The following LTBP2 variants were observed in gnomAD, a reference collection of about 807,000 sequenced individuals.
LTBP2 encodes latent-transforming growth factor beta-binding protein 2.
Under a neutral mutation model 210.6 loss-of-function variants are expected in LTBP2, and 103 were observed. The ratio of observed to expected loss-of-function variants is 0.49; its 90% CI spans 0.42 to 0.58. The LOEUF (loss-of-function observed/expected upper bound fraction) is 0.58, where lower values mean the gene tolerates loss of function less well. Ranked by LOEUF, LTBP2 falls within the 20% of genes least tolerant of loss-of-function variation. LTBP2 has a pLI of 0.00. For synonymous variants in LTBP2, 1,007 were observed against 1,015.0 expected (o/e 0.99, Z 0.15); for missense variants, 2,313 against 2,494.5 (o/e 0.93, Z 1.55).
chr14:74,588,322 AG>A (rs1235721529), intron 2 of LTBP2, among the ~76,000 whole-genome samples: 6 of 152,114 alleles, frequency 3.9e-5, no homozygotes, highest in African/African-American at 1.4e-4. Flanking sequence ...CCCAGATTCA[AG>A]TGATTCTCCT....
At chr14:74,602,146 G>A (rs2088457493) in intron 2 of LTBP2, among the ~76,000 whole-genome samples, 2 of 152,176 alleles carry the variant, frequency 1.3e-5, no homozygotes, top group Admixed American at 6.5e-5. Context: ...CCAGGAGATC[G>A]GAGCCTGGAG....
At chr14:74,604,174 A>AAAAAAAAAAAAAAAAC in intron 1 of LTBP2, among the ~76,000 whole-genome samples, 1 of 150,560 alleles carries the variant, frequency 6.6e-6, no homozygotes, top group Non-Finnish European at 1.5e-5. Context: ...CAAAAAAAAA[A>AAAAAAAAAAAAAAAAC]AAAAAAAAAA....
chr14:74,611,537 G>T lies in LTBP2; in HGVS notation c.408C>A (p.Thr136=). Residue 136 remains threonine, a synonymous_variant, in exon 1 of 36, where the codon ACC becomes ACA. Transcript: ENST00000261978. ...PLGQQQPAPR[T]RAAPALPRLG... ...GGCGTGGGAGAGCCGGCGCGGCCCG[G>T]GTCCGGGGTGCTGGTTGCTGCTGGC... is the stretch of plus-strand genomic sequence containing the variant. 1.3e-6 allele frequency: 2 copies of T among 1,565,044 alleles called. No individual in the cohort carries two copies.
intron 1 of LTBP2, among the ~76,000 whole-genome samples, chr14:74,608,715 G>GAAAAAAAAA (rs5809673): frequency 1.5e-4 from 17 of 116,208 alleles, no homozygotes; most frequent in Middle Eastern, 4.1e-3. Context: ...TCAAAAAAAA[G>GAAAAAAAAA]AAAAAAAAAA....
At chr14:74,535,778 G>A in intron 9 of LTBP2, 148 bp downstream of exon 9, 1 of 744,388 alleles carries the variant, frequency 1.3e-6, no homozygotes, top group Non-Finnish European at 2.3e-6. Flanking sequence ...TTAGTCCCCT[G>A]GAATCAGCAG....
intron 5 of LTBP2, 51 bp from the exon 6 acceptor site, chr14:74,552,444 G>A (rs760945765): frequency 1.4e-5 from 22 of 1,537,026 alleles, no homozygotes; most frequent in East Asian, 4.5e-5. Flanking sequence ...AGCAGCACCC[G>A]CTCTGTGGCT....
Position 74,500,550 on chromosome 14 carries a change from A to G in LTBP2, c.*334T>C. On this transcript the variant is annotated 3_prime_UTR_variant, in exon 36 of 36. Transcript: ENST00000261978. ...AAAGGGGTGTCTGCAGTGTGAGGCCATGGGGCCTTGCATGCTCGCACAGCT... is the reference window on the plus strand; with the variant it reads ...AAAGGGGTGTCTGCAGTGTGAGGCCGTGGGGCCTTGCATGCTCGCACAGCT... The G allele has an allele frequency of 2.1e-6, 1 of 474,212 alleles. No individual in the cohort carries two copies. Among genetic ancestry groups the G allele is most frequent in the Non-Finnish European group, 3.9e-6 (1 of 255,230 alleles). The allele number at this position is 474,212 out of a possible 1,614,324, so 29.4% of individuals were successfully genotyped here. A position where few individuals can be genotyped will look rare whatever the true frequency, so the allele number is the denominator to read the frequency against.
rs576254218 is a variant in LTBP2 at position 74,528,871 on chromosome 14, T to C, written c.2152+87A>G. The stretch of plus-strand genomic sequence containing the variant: ...GGGAAGGCTACTTCAGTCTTCCAGA[T>C]TGAGGGAAGTCTACCCAGGCCTGGC... On this transcript the variant is annotated intron_variant, in intron 11 of 35. Transcript: ENST00000261978. The C allele has an allele frequency of 3.5e-5, 54 of 1,554,866 alleles. No homozygotes were observed. In the African/African-American group the frequency reaches 6.8e-4, roughly 20 times the overall value.
intron 9 of LTBP2, among the ~76,000 whole-genome samples, chr14:74,532,924 C>A (rs551215872): frequency 1.3e-5 from 2 of 152,334 alleles, no homozygotes; most frequent in African/African-American, 4.8e-5. Context: ...ACTGCAGTCT[C>A]CGCCTCCCAG....
At chr14:74,535,685 G>A (rs1158543998) in intron 9 of LTBP2, among the ~76,000 whole-genome samples, 2 of 152,158 alleles carry the variant, frequency 1.3e-5, no homozygotes, top group Non-Finnish European at 1.5e-5. Context: ...TGTTCCAGGT[G>A]GGTGTGGGTG....
Position 74,500,134 on chromosome 14 carries a change from C to A in LTBP2, c.*750G>T. On this transcript the variant is annotated 3_prime_UTR_variant, in exon 36 of 36. Coordinates refer to ENST00000261978, the MANE Select transcript of LTBP2 (RefSeq NM_000428.3). ...GGCGGATTCAGCTACTGAATATTTT[C>A]TTTAGACGTATAAAGCCTTGGCTCC... 1 of 234,010 alleles carries A rather than the reference C, an allele frequency of 4.3e-6. No homozygotes were observed. Among genetic ancestry groups the A allele is most frequent in the African/African-American group, 2.2e-5 (1 of 45,452 alleles). The allele number at this position is 234,010 out of a possible 1,614,324, so 14.5% of individuals were successfully genotyped here. A position where few individuals can be genotyped will look rare whatever the true frequency, so the allele number is the denominator to read the frequency against.
intron 3 of LTBP2, among the ~76,000 whole-genome samples, chr14:74,561,708 C>G (rs1414173733): frequency 6.6e-6 from 1 of 152,146 alleles, no homozygotes; most frequent in Non-Finnish European, 1.5e-5. Context: ...CCAGCAACTC[C>G]ATTTTATAGC....
chr14:74,547,786 G>T (rs1051104278), intron 8 of LTBP2, among the ~76,000 whole-genome samples: 3 of 152,086 alleles, frequency 2.0e-5, no homozygotes, highest in Non-Finnish European at 4.4e-5. Context: ...GGGGTAAAGG[G>T]AGAGAGACCC....
intron 8 of LTBP2, among the ~76,000 whole-genome samples, chr14:74,536,840 C>T (rs1211570178): frequency 6.6e-6 from 1 of 152,084 alleles, no homozygotes; most frequent in Non-Finnish European, 1.5e-5. Flanking sequence ...AGCAAGACTC[C>T]ATCTCAAAAC....
chr14:74,540,848 T>TTATATATATTTATATATATAA (rs1566630042), intron 8 of LTBP2, among the ~76,000 whole-genome samples: 8 of 68,870 alleles, frequency 1.2e-4, no homozygotes, highest in African/African-American at 4.1e-4. Context: ...TTTATATATA[T>TTATATATATTTATATATATAA]TATATATATT....
At chr14:74,535,862 C>G in intron 9 of LTBP2, 64 bp downstream of exon 9, 1 of 1,434,094 alleles carries the variant, frequency 7.0e-7, no homozygotes, top group East Asian at 2.3e-5. Flanking sequence ...AGACACCCCT[C>G]CTGTCTGGTG....
At chr14:74,530,989 G>A (rs894883608) in intron 10 of LTBP2, among the ~76,000 whole-genome samples, 14 of 152,342 alleles carry the variant, frequency 9.2e-5, no homozygotes, top group Admixed American at 3.9e-4. Flanking sequence ...ATCATCAGCC[G>A]TCTGTGAGCC....
chr14:74,585,810 A>T, intron 3 of LTBP2, 44 bp downstream of exon 3: 1 of 1,613,810 alleles, frequency 6.2e-7, no homozygotes, highest in South Asian at 1.1e-5. Context: ...CTCCAAAAAG[A>T]GACTGAGCCC....
At chr14:74,576,641 C>A (rs1247456305) in intron 3 of LTBP2, among the ~76,000 whole-genome samples, 1 of 151,542 alleles carries the variant, frequency 6.6e-6, no homozygotes, top group Admixed American at 6.5e-5. Context: ...CTGTACAACT[C>A]TTGGGGTACC....
Sources: gnomAD v4.1 joint callset for allele counts (sites outside exome capture counted in the v4.1 genomes callset) on GRCh38, gnomAD v4.1.1 for gene constraint, MANE v1.5 for transcripts, NCBI Gene and HGNC (gene_info 2026-07-23, HGNC 2026-07-21) for gene names.